Variants in DRICH1 observed in about 807,000 individuals in gnomAD.
DRICH1 encodes the protein aspartate-rich protein 1.
In DRICH1, 38 loss-of-function variants were observed where a neutral mutation model predicts 39.5. That is an observed-to-expected ratio of 0.96 (90% CI 0.74 to 1.26). The LOEUF (loss-of-function observed/expected upper bound fraction) is 1.26. DRICH1 is among the 50% of genes most tolerant of loss of function. DRICH1 has a pLI of 0.00. For synonymous variants in DRICH1, 84 were observed against 99.5 expected (o/e 0.84, Z 0.93); for missense variants, 279 against 270.4 (o/e 1.03, Z -0.22).
chr22:23,610,528 T>A (rs534314145), intron 11 of DRICH1: 1 of 152,324 alleles, frequency 6.6e-6, no homozygotes, highest in South Asian at 2.1e-4. Flanking sequence ...GTTCTGTCCA[T>A]GTGCTACTGG....
intron 5 of DRICH1, among the ~76,000 whole-genome samples, chr22:23,619,994 CTG>C (rs1209013907): frequency 1.3e-4 from 20 of 152,256 alleles, no homozygotes; most frequent in Admixed American, 7.8e-4. Flanking sequence ...ACCAAAGACT[CTG>C]AGATTTTGCA....
At chr22:23,630,409 C>T (rs368287485) in intron 1 of DRICH1, among the ~76,000 whole-genome samples, 205 of 138,120 alleles carry the variant, frequency 1.5e-3, no homozygotes, top group African/African-American at 5.5e-3. Context: ...CATTCCTTTC[C>T]ACACTCTCTC....
chr22:23,598,211 C>A, the DRICH1 span, among the ~76,000 whole-genome samples: 1 of 145,832 alleles, frequency 6.9e-6, no homozygotes, highest in East Asian at 1.9e-4. Context: ...GGCTGGTCCT[C>A]AGGTCCCTGA....
downstream of DRICH1, among the ~76,000 whole-genome samples, chr22:23,605,398 C>A (rs1327973362): frequency 6.6e-6 from 1 of 152,138 alleles, no homozygotes; most frequent in Non-Finnish European, 1.5e-5. Flanking sequence ...TGGCTGAGGT[C>A]TAGTGACCCA....
rs762478780 is a variant in DRICH1 at position 23,614,097 on chromosome 22, C to T, written c.621+38G>A. The T allele has an allele frequency of 1.4e-5, 19 of 1,353,032 alleles. No homozygotes were observed. In the Admixed American group the frequency reaches 3.3e-4, roughly 23 times the overall value. The allele number at this position is 1,353,032 out of a possible 1,614,324, so 83.8% of individuals were successfully genotyped here. On this transcript the variant is annotated intron_variant, in intron 9 of 11. Transcript: ENST00000317749. The stretch of plus-strand genomic sequence containing the variant: ...TTGAGAAATAAAGGAATCAGGAAAG[C>T]AACATTGCTGTAGAAGACAAAAAAA...
rs547032415 is a variant in DRICH1, at chr22:23,625,268, C to G, written c.277-364G>C. ...CCACTGAATTCCATCCTCACAAAGA[C>G]AATTGTGTACGTTGTACATAATGTG... is the stretch of plus-strand genomic sequence containing the variant. On this transcript the variant is annotated intron_variant, in intron 2 of 11. Coordinates refer to ENST00000317749, the MANE Select transcript of DRICH1 (RefSeq NM_016449.4). Among the ~76,000 whole-genome samples, 299 of 151,756 alleles carry G rather than the reference C, an allele frequency of 2.0e-3. 1 individual carries two copies. The highest frequency in any genetic ancestry group is 6.8e-3 in the African/African-American group (280 of 41,042).
At chr22:23,592,490 T>A in the DRICH1 span, among the ~76,000 whole-genome samples, 3 of 152,018 alleles carry the variant, frequency 2.0e-5, no homozygotes, top group Non-Finnish European at 2.9e-5. Flanking sequence ...AGAGAGCTGA[T>A]AAGCACCATC....
chr22:23,589,822 C>T, the DRICH1 span, among the ~76,000 whole-genome samples: 10 of 152,262 alleles, frequency 6.6e-5, no homozygotes, highest in East Asian at 1.9e-3. Context: ...AACCCTTATA[C>T]CTGAGGGTCT....
At chr22:23,622,000 C>CTGAGTCCATTCTTTGGGAT (rs1927767750) in intron 4 of DRICH1, 91 bp downstream of exon 4, 4 of 1,168,570 alleles carry the variant, frequency 3.4e-6, no homozygotes, top group Non-Finnish European at 5.1e-6. Flanking sequence ...TTATAGCTCC[C>CTGAGTCCATTCTTTGGGAT]TGAGTCCATT....
At chr22:23,623,561 GACTA>G (rs1287139093) in intron 3 of DRICH1, among the ~76,000 whole-genome samples, 3 of 152,320 alleles carry the variant, frequency 2.0e-5, no homozygotes, top group Admixed American at 1.3e-4. Flanking sequence ...GACTGAGCCT[GACTA>G]ACACACAATA....
At chr22:23,629,952 T>C (rs1409326792) in intron 1 of DRICH1, among the ~76,000 whole-genome samples, 2 of 152,284 alleles carry the variant, frequency 1.3e-5, no homozygotes, top group Middle Eastern at 3.4e-3. Flanking sequence ...GAGGTACTCA[T>C]GTTACTAAAT....
intron 5 of DRICH1, among the ~76,000 whole-genome samples, chr22:23,619,659 C>G (rs987620097): frequency 6.6e-6 from 1 of 152,210 alleles, no homozygotes; most frequent in Non-Finnish European, 1.5e-5. Flanking sequence ...AAAGGAAAGC[C>G]TCTTCCACAA....
the DRICH1 span, among the ~76,000 whole-genome samples, chr22:23,586,730 G>A: frequency 6.6e-6 from 1 of 152,092 alleles, no homozygotes; most frequent in Non-Finnish European, 1.5e-5. Context: ...TTTTAGTAGA[G>A]ACAAGGGTTT....
chr22:23,582,609 A>G, the DRICH1 span, among the ~76,000 whole-genome samples: 61 of 144,294 alleles, frequency 4.2e-4, no homozygotes, highest in African/African-American at 1.5e-3. Context: ...TCTGCTGCCC[A>G]GGCTGAAGTG....
rs60279653 is a variant in DRICH1 at position 23,622,898 on chromosome 22, T to C, written c.299-722A>G. Among the ~76,000 whole-genome samples, 966 of 149,876 alleles carry C rather than the reference T, an allele frequency of 6.4e-3. 7 individuals are homozygous for C. Among genetic ancestry groups the C allele is most frequent in the African/African-American group, 0.022 (898 of 41,456 alleles). On this transcript the variant is annotated intron_variant, in intron 3 of 11. Coordinates refer to ENST00000317749, the MANE Select transcript of DRICH1 (RefSeq NM_016449.4). ...AGCCTGCTCTAACTACACCAGTGAA[T>C]CTGAGAGACGTGACTCTGAACACTT...
At chr22:23,582,776 G>C in the DRICH1 span, among the ~76,000 whole-genome samples, 1 of 151,860 alleles carries the variant, frequency 6.6e-6, no homozygotes, top group African/African-American at 2.4e-5. Flanking sequence ...GATCAGGCTG[G>C]TCCCGAACTC....
chr22:23,612,911 GC>G (rs1927125666), intron 11 of DRICH1, among the ~76,000 whole-genome samples: 1 of 152,146 alleles, frequency 6.6e-6, no homozygotes, highest in Non-Finnish European at 1.5e-5. Flanking sequence ...TCCAGGAAAT[GC>G]CTGTGAGAGA....
At chr22:23,593,039 G>GAA in the DRICH1 span, among the ~76,000 whole-genome samples, 3 of 139,792 alleles carry the variant, frequency 2.1e-5, no homozygotes, top group African/African-American at 7.9e-5. Context: ...TCAAAAAAAA[G>GAA]AAAAAAAAAA....
intron 1 of DRICH1, among the ~76,000 whole-genome samples, chr22:23,631,415 AAAATAAAT>A (rs144088461): frequency 6.7e-5 from 10 of 149,130 alleles, no homozygotes; most frequent in East Asian, 5.9e-4. Context: ...GACTCCATCT[AAAATAAAT>A]AAATAAATAA....
Sources: allele counts gnomAD v4.1 joint callset (sites outside exome capture counted in the v4.1 genomes callset), GRCh38; gene constraint gnomAD v4.1.1; transcripts MANE v1.5; gene names NCBI Gene and HGNC (gene_info 2026-07-23, HGNC 2026-07-21).